GRID2IP: variants seen among roughly 807,000 people sequenced by gnomAD.
GRID2IP encodes the protein Grid2 interacting protein.
GRID2IP carries 78 observed loss-of-function variants against 114.3 expected under a neutral mutation model. The ratio of observed to expected loss-of-function variants is 0.68; its 90% CI spans 0.57 to 0.82. GRID2IP has a LOEUF of 0.82. Ranked by LOEUF, GRID2IP falls within the 40% of genes least tolerant of loss-of-function variation. The pLI is 0.00. For missense variants in GRID2IP, 1,727 were observed against 1,678.5 expected (o/e 1.03, Z -0.51); for synonymous variants, 809 against 724.0 (o/e 1.12, Z -1.89).
At chr7:6,524,909 C>T (rs538372137) in intron 4 of GRID2IP, among the ~76,000 whole-genome samples, 10 of 151,590 alleles carry the variant, frequency 6.6e-5, no homozygotes, top group African/African-American at 2.4e-4. Flanking sequence ...TTAGTAGAGA[C>T]GGGTTTCACC....
chr7:6,538,445 T>C (rs1682728345), intron 2 of GRID2IP, among the ~76,000 whole-genome samples: 1 of 149,344 alleles, frequency 6.7e-6, no homozygotes, highest in Non-Finnish European at 1.5e-5. Context: ...CTCACGCCTA[T>C]AATCCACACA....
chr7:6,532,994 C>G lies in GRID2IP; in HGVS notation c.585-6225G>C, dbSNP rs1422493176. 6.6e-6 allele frequency among the ~76,000 whole-genome samples: 1 copy of G among 152,212 alleles called. No homozygotes were observed. Among genetic ancestry groups the G allele is most frequent in the Non-Finnish European group, 1.5e-5 (1 of 68,038 alleles). On this transcript the variant is annotated intron_variant, in intron 2 of 21. Coordinates refer to ENST00000457091, the MANE Select transcript of GRID2IP (RefSeq NM_001145118.2). This position sits in a 1 kb window ranked among gnomAD's most constrained non-coding sequence, Gnocchi z 4.4. ...CAACAGCCGGACTTCCCTGAAGTGTCTGCTCCAGCAAAAGGCACTGCTTAA... is the reference window on the plus strand; with the variant it reads ...CAACAGCCGGACTTCCCTGAAGTGTGTGCTCCAGCAAAAGGCACTGCTTAA...
Position 6,509,035 on chromosome 7 carries a change from C to A in GRID2IP, c.2050G>T (p.Asp684Tyr). ...GGGCCCAGCTGCTCGCTCAGCACGT[C>A]CAGGAAGCGGTCAGTATCGCGGCTT... ...VRSRDTDRFL[D>Y]VLSEQLGPRV... The change falls in exon 12 of 22, where the codon GAC becomes TAC. Residue 684 changes from aspartate (D) to tyrosine (Y), a missense_variant. By Grantham distance (160) the Asp-to-Tyr change is radical. Transcript: ENST00000457091. This position sits in a 1 kb window ranked among gnomAD's most constrained non-coding sequence, Gnocchi z 4.9. The A allele has an allele frequency of 6.5e-6, 10 of 1,546,326 alleles. No individual in the cohort carries two copies. The highest frequency in any genetic ancestry group is 8.7e-6 in the Non-Finnish European group (10 of 1,146,332).
chr7:6,503,765 A>T, intron 15 of GRID2IP, 78 bp from the exon 16 acceptor site: 1 of 1,036,472 alleles, frequency 9.6e-7, no homozygotes, highest in Non-Finnish European at 1.3e-6. Flanking sequence ...AGGGCAGGGC[A>T]GAGGCGGGGA....
chr7:6,509,367 G>A lies in GRID2IP; in HGVS notation c.1772-54C>T, dbSNP rs951490981. On this transcript the variant is annotated intron_variant, in intron 11 of 21. Coordinates refer to ENST00000457091, the MANE Select transcript of GRID2IP (RefSeq NM_001145118.2). The surrounding 1 kb of genome is among the most constrained non-coding windows in gnomAD (Gnocchi z 4.9). ...CTCTTCAGCCAGCACCGAGGTTCCA[G>A]GTGCAAGCTGGAGAGAGGGTCCTAG... 6 of 1,430,536 alleles carry A rather than the reference G, an allele frequency of 4.2e-6. No homozygotes were observed. Among genetic ancestry groups the A allele is most frequent in the Non-Finnish European group, 5.6e-6 (6 of 1,079,398 alleles). 88.6% of individuals were successfully genotyped at this position (1,430,536 alleles called of 1,614,324 possible). A position where few individuals can be genotyped will look rare whatever the true frequency, so the allele number is the denominator to read the frequency against.
At chr7:6,515,628 A>T (rs1032225171) in intron 7 of GRID2IP, among the ~76,000 whole-genome samples, 9 of 150,988 alleles carry the variant, frequency 6.0e-5, no homozygotes, top group African/African-American at 2.2e-4. Context: ...AAATACAAAA[A>T]TGTGGTAGGC....
At chr7:6,498,352 G>T (rs904961410) in intron 20 of GRID2IP, 124 bp from the exon 21 acceptor site, 11 of 868,732 alleles carry the variant, frequency 1.3e-5, no homozygotes, top group Non-Finnish European at 1.9e-5. Flanking sequence ...CAAGGGCCAG[G>T]CCCTGTGTCC....
intron 4 of GRID2IP, among the ~76,000 whole-genome samples, chr7:6,522,296 G>A (rs1779427367): frequency 6.6e-6 from 1 of 152,108 alleles, no homozygotes; most frequent in Admixed American, 6.6e-5. Context: ...GCTGCTCTAA[G>A]GATCTAAGGA....
rs1779523156 is a variant in GRID2IP at position 6,526,806 on chromosome 7, G to A, written c.585-37C>T. On this transcript the variant is annotated intron_variant, in intron 2 of 21. Coordinates refer to ENST00000457091, the MANE Select transcript of GRID2IP (RefSeq NM_001145118.2). The surrounding 1 kb of genome is among the most constrained non-coding windows in gnomAD (Gnocchi z 7.6). ...GACGGCGGAGTCGGGGCGCGTTCCCGGACCCCGGATCTCTGCAAACCGCGG... is the reference window on the plus strand; with the variant it reads ...GACGGCGGAGTCGGGGCGCGTTCCCAGACCCCGGATCTCTGCAAACCGCGG... The A allele has an allele frequency of 1.4e-6, 2 of 1,471,996 alleles. No homozygotes were observed. The highest frequency in any genetic ancestry group is 1.3e-5 in the South Asian group (1 of 78,140). 91.2% of individuals were successfully genotyped at this position (1,471,996 alleles called of 1,614,324 possible).
In GRID2IP at chr7:6,506,072, T is replaced by A. The variant is rs1168557042; in HGVS notation, c.2545-165A>T. ...GGAGGAGACTGCAGGAGAAGCCAGATCATCCGAGTCACCGGGTGCTGAGCC... is the reference window on the plus strand; with the variant it reads ...GGAGGAGACTGCAGGAGAAGCCAGAACATCCGAGTCACCGGGTGCTGAGCC... On this transcript the variant is annotated intron_variant, in intron 13 of 21. Transcript: ENST00000457091. The surrounding 1 kb of genome is among the most constrained non-coding windows in gnomAD (Gnocchi z 5.2). Among the ~76,000 whole-genome samples, 1 of 152,176 alleles carries A rather than the reference T, an allele frequency of 6.6e-6. No individual in the cohort carries two copies. Among genetic ancestry groups the A allele is most frequent in the Non-Finnish European group, 1.5e-5 (1 of 68,024 alleles).
At chr7:6,531,134 C>G (rs1041101434) in intron 2 of GRID2IP, 3 of 521,608 alleles carry the variant, frequency 5.8e-6, no homozygotes, top group East Asian at 7.0e-5. Context: ...CGGCAGGTGC[C>G]GAAGGGCAGG....
Position 6,502,799 on chromosome 7 carries a change from T to C in GRID2IP, c.3137A>G (p.Asn1046Ser). Residue 1046 changes from asparagine (N) to serine (S), a missense_variant, in exon 18 of 22, where the codon AAC becomes AGC. Physicochemically the swap from Asn to Ser is conservative, Grantham distance 46. Coordinates refer to ENST00000457091, the MANE Select transcript of GRID2IP (RefSeq NM_001145118.2). ...KTNKTTGFKI[N>S]FLTELNSTKT... ...AGGTCCCCTCACCTCTGTCAGAAAGTTGATCTTGAAGCCCGTAGTCTTGTT... is the reference window on the plus strand; with the variant it reads ...AGGTCCCCTCACCTCTGTCAGAAAGCTGATCTTGAAGCCCGTAGTCTTGTT... 1.3e-6 allele frequency: 2 copies of C among 1,551,730 alleles called. No homozygotes were observed. The highest frequency in any genetic ancestry group is 2.4e-5 in the East Asian group (1 of 40,914).
chr7:6,541,384 C>T (rs532686534), intron 1 of GRID2IP, among the ~76,000 whole-genome samples: 2 of 152,178 alleles, frequency 1.3e-5, no homozygotes, highest in Non-Finnish European at 2.9e-5. Flanking sequence ...TACTACACTC[C>T]CTTCCATACT....
chr7:6,511,872 C>CTCTCTTTCTCTCTTTTCTCTCTCTCTG (rs1779174074), intron 8 of GRID2IP, among the ~76,000 whole-genome samples: 1 of 151,928 alleles, frequency 6.6e-6, no homozygotes, highest in Non-Finnish European at 1.5e-5. Flanking sequence ...CTCTCACTTT[C>CTCTCTTTCTCTCTTTTCTCTCTCTCTG]TCTCTTTCTC....
At chr7:6,513,034 T>C (rs1779208833) in intron 8 of GRID2IP, among the ~76,000 whole-genome samples, 1 of 152,090 alleles carries the variant, frequency 6.6e-6, no homozygotes, top group Non-Finnish European at 1.5e-5. Context: ...CCACATGACC[T>C]GCATGCTGAG....
At chr7:6,501,210 G>T (rs1453719669) in intron 20 of GRID2IP, among the ~76,000 whole-genome samples, 1 of 152,102 alleles carries the variant, frequency 6.6e-6, no homozygotes, top group East Asian at 1.9e-4. Context: ...AATAAGCCAG[G>T]TGTGGTGGTG....
chr7:6,539,503 AC>A (rs1344781443), intron 2 of GRID2IP, among the ~76,000 whole-genome samples: 2 of 152,048 alleles, frequency 1.3e-5, no homozygotes, highest in Admixed American at 6.6e-5. Context: ...TCAAGGTGGT[AC>A]CCTGGCATCT....
At chr7:6,531,090 G>T in intron 2 of GRID2IP, 1 of 570,282 alleles carries the variant, frequency 1.8e-6, no homozygotes, top group Non-Finnish European at 3.1e-6. Context: ...GAGAAGCCCT[G>T]GTCCTTCCCC....
At chr7:6,550,727 C>T (rs1779960881) in intron 1 of GRID2IP, among the ~76,000 whole-genome samples, 5 of 150,564 alleles carry the variant, frequency 3.3e-5, no homozygotes. Flanking sequence ...TACTGGAAGA[C>T]TGAGGCAGGA....
Sources: gnomAD v4.1 joint callset for allele counts (sites outside exome capture counted in the v4.1 genomes callset) on GRCh38, gnomAD v4.1.1 for gene constraint, Gnocchi (gnomAD v3.1) non-coding constraint, MANE v1.5 for transcripts, NCBI Gene and HGNC (gene_info 2026-07-23, HGNC 2026-07-21) for gene names.